Variants in MACROD2 observed in about 807,000 individuals in gnomAD.
The protein encoded by MACROD2 is ADP-ribose glycohydrolase MACROD2.
A neutral mutation model predicts 70.4 loss-of-function variants in MACROD2; 36 were observed. That is an observed-to-expected ratio of 0.51 (90% CI 0.39 to 0.68). MACROD2 has a LOEUF of 0.68. Among genes scored for constraint, MACROD2 ranks in the 30% least tolerant of loss-of-function variants. MACROD2 has a pLI of 0.00. For missense variants in MACROD2, 496 were observed against 538.4 expected (o/e 0.92, Z 0.78); for synonymous variants, 172 against 178.8 (o/e 0.96, Z 0.30).
intron 4 of MACROD2, among the ~76,000 whole-genome samples, chr20:14,621,568 C>A (rs1395168894): frequency 6.6e-6 from 1 of 152,120 alleles, no homozygotes; most frequent in African/African-American, 2.4e-5. Context: ...TTCTGCTCAG[C>A]ATAACATGGG....
Position 14,501,955 on chromosome 20 carries a change from T to A in MACROD2, c.301+8447T>A, listed in dbSNP as rs574839506. On this transcript the variant is annotated intron_variant, in intron 4 of 17. Coordinates refer to ENST00000684519, the MANE Select transcript of MACROD2 (RefSeq NM_001351661.2). ...TATCTTCCTAATTACATAGTAGCTA[T>A]AGTATAATGCTTGTGTAGCTTATCT... Among the ~76,000 whole-genome samples the A allele has an allele frequency of 6.0e-4, 92 of 152,344 alleles. 2 individuals carry two copies. In the Middle Eastern group the frequency reaches 0.051, roughly 84 times the overall value.
intron 2 of MACROD2, among the ~76,000 whole-genome samples, chr20:14,020,660 T>G (rs998759811): frequency 3.9e-5 from 6 of 152,188 alleles, no homozygotes; most frequent in Non-Finnish European, 7.3e-5. Flanking sequence ...TCGTTTTATT[T>G]ATTGATTGAT....
intron 8 of MACROD2, among the ~76,000 whole-genome samples, chr20:15,810,668 G>A (rs903744893): frequency 2.8e-4 from 42 of 152,146 alleles, no homozygotes; most frequent in South Asian, 4.1e-4. Flanking sequence ...GAGGCATCAC[G>A]CTACCTGACT....
intron 8 of MACROD2, among the ~76,000 whole-genome samples, chr20:15,507,538 C>G (rs1447569243): frequency 1.3e-5 from 2 of 150,586 alleles, no homozygotes; most frequent in African/African-American, 4.9e-5. Flanking sequence ...TTTTCTTCCC[C>G]CCACCAGCCC....
intron 4 of MACROD2, among the ~76,000 whole-genome samples, chr20:14,564,582 A>G (rs1214245031): frequency 2.0e-5 from 3 of 152,224 alleles, no homozygotes; most frequent in African/African-American, 7.2e-5. Flanking sequence ...CAAGCACCCA[A>G]CAAACATGAA....
chr20:15,279,373 C>T (rs1156818089), intron 6 of MACROD2, among the ~76,000 whole-genome samples: 1 of 152,098 alleles, frequency 6.6e-6, no homozygotes, highest in Non-Finnish European at 1.5e-5. Context: ...TCTACAGAAG[C>T]CATGACTGCT....
chr20:15,771,278 G>A (rs753929766), intron 8 of MACROD2, among the ~76,000 whole-genome samples: 1 of 151,930 alleles, frequency 6.6e-6, no homozygotes, highest in East Asian at 1.9e-4. Flanking sequence ...GGGCTCAAGT[G>A]ATCCTCCCAC....
chr20:14,531,658 C>T (rs186791335), intron 4 of MACROD2, among the ~76,000 whole-genome samples: 37 of 152,170 alleles, frequency 2.4e-4, no homozygotes, highest in African/African-American at 8.4e-4. Context: ...ATGGAGGTAA[C>T]GTTTTGCCTA....
intron 3 of MACROD2, among the ~76,000 whole-genome samples, chr20:14,261,354 TA>T (rs1453458714): frequency 1.3e-5 from 2 of 152,210 alleles, no homozygotes; most frequent in African/African-American, 4.8e-5. Flanking sequence ...TTTGTATTCT[TA>T]ACCAAAAATC....
At chr20:15,638,620 T>A (rs2146768169) in intron 8 of MACROD2, among the ~76,000 whole-genome samples, 1 of 152,274 alleles carries the variant, frequency 6.6e-6, no homozygotes, top group East Asian at 1.9e-4. Context: ...GGAACTTAAT[T>A]AAGTTCCTGG....
intron 8 of MACROD2, among the ~76,000 whole-genome samples, chr20:15,533,411 G>A (rs60187418): frequency 0.024 from 3,677 of 152,152 alleles, 146 homozygotes; most frequent in African/African-American, 0.083. Context: ...ATAAACATAC[G>A]CTTTAGGACA....
At chr20:14,495,736 T>A (rs6105278) in intron 4 of MACROD2, among the ~76,000 whole-genome samples, 1,542 of 152,210 alleles carry the variant, frequency 0.01, 31 homozygotes, top group African/African-American at 0.036. Context: ...TTTCTAGCAA[T>A]GATAAGACAT....
intron 8 of MACROD2, chr20:15,552,034 C>A (rs893691024): frequency 6.6e-6 from 1 of 151,904 alleles, no homozygotes; most frequent in African/African-American, 2.4e-5. Flanking sequence ...TATGATTAAG[C>A]CTCTTTTATA....
At chr20:15,951,345 ACACAC>A (rs1344739401) in intron 12 of MACROD2, among the ~76,000 whole-genome samples, 13 of 151,234 alleles carry the variant, frequency 8.6e-5, no homozygotes, top group African/African-American at 2.7e-4. Context: ...ACACACACAC[ACACAC>A]AAAGAGAGAG....
At chr20:14,141,807 G>C (rs927341157) in intron 3 of MACROD2, among the ~76,000 whole-genome samples, 6 of 147,766 alleles carry the variant, frequency 4.1e-5, no homozygotes, top group Non-Finnish European at 7.5e-5. Flanking sequence ...AAAGAGTACA[G>C]AGGAGGGCAC....
intron 6 of MACROD2, among the ~76,000 whole-genome samples, chr20:15,367,306 G>A (rs562162592): frequency 1.1e-4 from 16 of 152,148 alleles, no homozygotes; most frequent in South Asian, 8.3e-4. Flanking sequence ...GATTACAGGC[G>A]TGAGCCACCG....
intron 7 of MACROD2, among the ~76,000 whole-genome samples, chr20:15,473,868 C>T (rs1216946816): frequency 2.0e-5 from 3 of 152,128 alleles, no homozygotes; most frequent in South Asian, 2.1e-4. Context: ...TCAAAGTGTC[C>T]GTTTTCTATC....
chr20:14,296,746 A>G (rs370995455), intron 3 of MACROD2, among the ~76,000 whole-genome samples: 8 of 152,042 alleles, frequency 5.3e-5, no homozygotes, highest in African/African-American at 1.5e-4. Context: ...GAGTGCTTGC[A>G]GTGTTCTTTG....
chr20:15,249,075 C>A (rs1398907525), intron 6 of MACROD2, among the ~76,000 whole-genome samples: 1 of 152,194 alleles, frequency 6.6e-6, no homozygotes, highest in African/African-American at 2.4e-5. Flanking sequence ...TGAGAAGGCA[C>A]GTGGAAGCTG....
Sources: allele counts gnomAD v4.1 joint callset (sites outside exome capture counted in the v4.1 genomes callset), GRCh38; gene constraint gnomAD v4.1.1; transcripts MANE v1.5; gene names NCBI Gene and HGNC (gene_info 2026-07-23, HGNC 2026-07-21).